The following P3H2 variants were observed in gnomAD, a reference collection of about 807,000 sequenced individuals.
P3H2 encodes leprecan-like 1.
P3H2 carries 80 observed loss-of-function variants against 87.0 expected under a neutral mutation model. That is an observed-to-expected ratio of 0.92 (90% CI 0.77 to 1.11). The LOEUF is 1.11. Among genes scored for constraint, P3H2 ranks in the 50% least tolerant of loss-of-function variants. The pLI is 0.00. For missense variants in P3H2, 1,001 were observed against 923.9 expected, an observed-to-expected ratio of 1.08 and a Z score of -1.08; for synonymous variants, 367 against 359.3, an observed-to-expected ratio of 1.02 and a Z score of -0.24.
intron 3 of P3H2, among the ~76,000 whole-genome samples, chr3:189,993,865 C>G (rs1723957022): frequency 6.6e-6 from 1 of 151,894 alleles, no homozygotes; most frequent in Non-Finnish European, 1.5e-5. Flanking sequence ...GAAATAATAA[C>G]TATAAATAAA....
chr3:190,113,553 T>C (rs1712153431), intron 1 of P3H2, among the ~76,000 whole-genome samples: 1 of 152,194 alleles, frequency 6.6e-6, no homozygotes. Flanking sequence ...TACAAAAGAA[T>C]AGTCATTATA....
intron 1 of P3H2, among the ~76,000 whole-genome samples, chr3:190,005,846 A>C (rs1487029781): frequency 6.6e-6 from 1 of 152,218 alleles, no homozygotes; most frequent in Non-Finnish European, 1.5e-5. Context: ...TCACCCATCA[A>C]GCTCACTAAT....
intron 14 of P3H2, chr3:189,963,626 T>A (rs1474226403): frequency 3.6e-6 from 1 of 275,078 alleles, no homozygotes; most frequent in Non-Finnish European, 7.2e-6. Context: ...GTATTTTTAG[T>A]AGAGATGGGG....
At chr3:190,012,532 C>T (rs1724627026) in intron 1 of P3H2, among the ~76,000 whole-genome samples, 1 of 152,164 alleles carries the variant, frequency 6.6e-6, no homozygotes, top group Non-Finnish European at 1.5e-5. Flanking sequence ...AAAATACGGT[C>T]CTGATGAATT....
chr3:189,981,705 A>T (rs576632325), intron 8 of P3H2, among the ~76,000 whole-genome samples: 1 of 152,226 alleles, frequency 6.6e-6, no homozygotes, highest in African/African-American at 2.4e-5. Context: ...GCCAGGGGAA[A>T]AAAATGCTTT....
chr3:190,072,953 T>C (rs1342188079), intron 1 of P3H2, among the ~76,000 whole-genome samples: 1 of 152,198 alleles, frequency 6.6e-6, no homozygotes, highest in African/African-American at 2.4e-5. Flanking sequence ...AGAAAGTAAA[T>C]ATCATTCTTA....
chr3:190,006,315 C>T (rs1245546989), intron 1 of P3H2, among the ~76,000 whole-genome samples: 1 of 152,098 alleles, frequency 6.6e-6, no homozygotes, highest in South Asian at 2.1e-4. Flanking sequence ...AAAGAACCTG[C>T]CTAGAATATT....
At position 190,041,033 on chromosome 3, in the gene P3H2, T is replaced by C. The variant is rs866517385; in HGVS notation, c.481-45591A>G. Among the ~76,000 whole-genome samples, 109 of 37,812 alleles carry C rather than the reference T, an allele frequency of 2.9e-3. 1 individual carries two copies. The highest frequency in any genetic ancestry group is 0.017 in the African/African-American group (99 of 5,976). The allele number at this position is 37,812 out of a possible 152,430, so 24.8% of individuals were successfully genotyped here. A position where few individuals can be genotyped will look rare whatever the true frequency, so the allele number is the denominator to read the frequency against. On this transcript the variant is annotated intron_variant, in intron 1 of 14. Transcript: ENST00000319332. The stretch of plus-strand genomic sequence containing the variant: ...ACCATGGCTCTACTATATATATATA[T>C]ATATACACACACACACACACACACA...
intron 1 of P3H2, among the ~76,000 whole-genome samples, chr3:190,059,344 C>G (rs879347943): frequency 2.6e-5 from 4 of 152,098 alleles, no homozygotes; most frequent in Admixed American, 6.5e-5. Flanking sequence ...GGAAGATAGT[C>G]TCATGAGTAA....
intron 13 of P3H2, among the ~76,000 whole-genome samples, chr3:189,966,755 C>T (rs1204469781): frequency 6.6e-6 from 1 of 152,154 alleles, no homozygotes; most frequent in Non-Finnish European, 1.5e-5. Context: ...CCTTGAATTC[C>T]CAAGTCTCAC....
intron 1 of P3H2, among the ~76,000 whole-genome samples, chr3:190,000,600 C>G (rs1724179765): frequency 6.6e-6 from 1 of 152,156 alleles, no homozygotes; most frequent in Non-Finnish European, 1.5e-5. Context: ...GATTTCTCTT[C>G]AATGTAATTT....
At chr3:189,985,644 G>T (rs942808945) in intron 6 of P3H2, among the ~76,000 whole-genome samples, 3 of 150,044 alleles carry the variant, frequency 2.0e-5, no homozygotes, top group Non-Finnish European at 3.0e-5. Context: ...ATTTCTAAGA[G>T]AATTCTCTTA....
intron 1 of P3H2, among the ~76,000 whole-genome samples, chr3:190,025,626 C>G (rs904855018): frequency 1.3e-5 from 2 of 152,144 alleles, no homozygotes; most frequent in South Asian, 4.1e-4. Context: ...AAGCTATTAT[C>G]ATTATGTCTC....
At chr3:190,062,042 T>C (rs1313901680) in intron 1 of P3H2, among the ~76,000 whole-genome samples, 1 of 152,110 alleles carries the variant, frequency 6.6e-6, no homozygotes, top group Non-Finnish European at 1.5e-5. Flanking sequence ...CTAACTTACT[T>C]TTCCAACCTT....
In P3H2 at chr3:189,970,294, T is replaced by TATAC. The variant is rs1723139079; in HGVS notation, c.1893+521_1893+522insGTAT. ...TATGTGTGTATATATATTATATATA[T>TATAC]ATTTTTTATATATATAATATATATA... On this transcript the variant is annotated intron_variant, in intron 13 of 14. Coordinates refer to ENST00000319332, the MANE Select transcript of P3H2 (RefSeq NM_018192.4). Among the ~76,000 whole-genome samples, 3 of 140,812 alleles carry TATAC rather than the reference T, an allele frequency of 2.1e-5. No homozygotes were observed. The South Asian group carries it at 6.5e-4, about 31-fold the overall frequency. The allele number at this position is 140,812 out of a possible 152,430, so 92.4% of individuals were successfully genotyped here. A position where few individuals can be genotyped will look rare whatever the true frequency, so the allele number is the denominator to read the frequency against.
intron 1 of P3H2, among the ~76,000 whole-genome samples, chr3:190,075,900 G>A (rs2108976052): frequency 6.6e-6 from 1 of 152,246 alleles, no homozygotes; most frequent in African/African-American, 2.4e-5. Context: ...TTTTACATTA[G>A]AAATGTATTA....
At chr3:190,090,530 C>T (rs7632829) in intron 1 of P3H2, among the ~76,000 whole-genome samples, 50,123 of 151,808 alleles carry the variant, frequency 0.33, 8,464 homozygotes, top group Non-Finnish European at 0.37. Flanking sequence ...GGTGAAACCC[C>T]GTCTCTACTA....
At chr3:190,072,998 A>G (rs564925831) in intron 1 of P3H2, among the ~76,000 whole-genome samples, 8 of 152,234 alleles carry the variant, frequency 5.3e-5, no homozygotes, top group Non-Finnish European at 1.2e-4. Flanking sequence ...TCAGAGTATC[A>G]TATCTCCTGT....
chr3:190,075,272 G>A (rs980117322), intron 1 of P3H2, among the ~76,000 whole-genome samples: 5 of 152,188 alleles, frequency 3.3e-5, no homozygotes, highest in African/African-American at 1.2e-4. Context: ...GATCACCTGA[G>A]ATCAGGAGTT....
Sources: allele counts gnomAD v4.1 joint callset (sites outside exome capture counted in the v4.1 genomes callset), GRCh38; gene constraint gnomAD v4.1.1; transcripts MANE v1.5; gene names NCBI Gene and HGNC (gene_info 2026-07-23, HGNC 2026-07-21).